The following APBB2 variants were observed in gnomAD, a reference collection of about 807,000 sequenced individuals.
The protein encoded by APBB2 is Fe65-like 1.
A neutral mutation model predicts 82.5 loss-of-function variants in APBB2; 38 were observed. That is an observed-to-expected ratio of 0.46 (90% confidence interval 0.36 to 0.60). The LOEUF (loss-of-function observed/expected upper bound fraction) is 0.60, where lower values mean the gene tolerates loss of function less well. APBB2 is among the 20% of genes least tolerant of loss of function. The pLI is 0.00. For synonymous variants in APBB2, 341 were observed against 368.2 expected (o/e 0.93, Z 0.85); for missense variants, 772 against 972.3 (o/e 0.79, Z 2.74).
chr4:40,859,705 T>C (rs1255157237), intron 12 of APBB2, among the ~76,000 whole-genome samples: 1 of 152,208 alleles, frequency 6.6e-6, no homozygotes, highest in Admixed American at 6.5e-5. Flanking sequence ...ATAAAGTCTA[T>C]AATCGCTTTC....
intron 2 of APBB2, among the ~76,000 whole-genome samples, chr4:41,126,935 T>C (rs1754577701): frequency 6.6e-6 from 1 of 152,180 alleles, no homozygotes; most frequent in Non-Finnish European, 1.5e-5. Flanking sequence ...AAAGACTTTG[T>C]CTCCAAATAC....
Position 41,013,848 on chromosome 4 carries a change from G to T in APBB2, c.570C>A (p.Ser190=), listed in dbSNP as rs745843763. 1.2e-6 allele frequency: 2 copies of T among 1,614,160 alleles called. No individual in the cohort carries two copies. The highest frequency in any genetic ancestry group is 1.7e-6 in the Non-Finnish European group (2 of 1,180,024). The change falls in exon 6 of 18, where the codon TCC becomes TCA. Residue 190 remains serine, a synonymous_variant. Coordinates refer to ENST00000508593, the MANE Select transcript of APBB2 (RefSeq NM_004307.2). ...GNHHGTAEEK[S]QPVQGQASTI... is the part of the protein sequence containing the mutation. ...TGGAGGCCTGGCCCTGGACTGGCTG[G>T]GATTTCTCTTCCGCAGTCCCATGGT...
At chr4:41,203,447 C>T (rs554323743) in intron 1 of APBB2, among the ~76,000 whole-genome samples, 1 of 152,210 alleles carries the variant, frequency 6.6e-6, no homozygotes, top group Admixed American at 6.5e-5. Context: ...TGAATAAGAA[C>T]AGTCAGTGTT....
At chr4:40,925,858 GATAA>G (rs1466324132) in intron 10 of APBB2, among the ~76,000 whole-genome samples, 4 of 152,190 alleles carry the variant, frequency 2.6e-5, no homozygotes, top group African/African-American at 7.2e-5. Flanking sequence ...GGAGGGCACA[GATAA>G]ATAAAGCTCA....
chr4:40,904,651 T>G (rs754348146), intron 10 of APBB2, among the ~76,000 whole-genome samples: 1 of 151,446 alleles, frequency 6.6e-6, no homozygotes, highest in Non-Finnish European at 1.5e-5. Flanking sequence ...TCATTATGTA[T>G]ATGGTTTTAA....
At chr4:41,081,780 T>A (rs1471024665) in intron 3 of APBB2, among the ~76,000 whole-genome samples, 2 of 152,204 alleles carry the variant, frequency 1.3e-5, no homozygotes, top group East Asian at 3.9e-4. Context: ...GAAATTTTTT[T>A]AACTAAACAA....
chr4:40,999,564 C>T (rs1262588369), intron 6 of APBB2, among the ~76,000 whole-genome samples: 16 of 152,190 alleles, frequency 1.1e-4, no homozygotes, highest in Admixed American at 9.8e-4. Context: ...TTCAGTTTCA[C>T]CACTCAAGTG....
chr4:41,093,150 GC>G (rs1338623370), intron 3 of APBB2, among the ~76,000 whole-genome samples: 1 of 152,126 alleles, frequency 6.6e-6, no homozygotes, highest in East Asian at 1.9e-4. Flanking sequence ...GTTTTTCAAA[GC>G]CCAGATGAAA....
At chr4:41,003,115 A>G (rs1011129105) in intron 6 of APBB2, among the ~76,000 whole-genome samples, 1 of 152,138 alleles carries the variant, frequency 6.6e-6, no homozygotes, top group African/African-American at 2.4e-5. Context: ...TCATGTTTTT[A>G]TCTTTTATTT....
Position 40,815,795 on chromosome 4 carries a change from A to C in APBB2, c.*297T>G, listed in dbSNP as rs1745436585. The C allele has an allele frequency of 3.3e-6, 1 of 300,754 alleles. No individual in the cohort carries two copies. Among genetic ancestry groups the C allele is most frequent in the Non-Finnish European group, 6.3e-6 (1 of 158,608 alleles). The allele number at this position is 300,754 out of a possible 1,614,324, so 18.6% of individuals were successfully genotyped here. ...TTAGTTCACTAGGAGGGGTGGGGCC[A>C]CACTCTTCTCTGTGTGTGTGTGAAG... is the stretch of plus-strand genomic sequence containing the variant. On this transcript the variant is annotated 3_prime_UTR_variant, in exon 18 of 18. Transcript: ENST00000508593.
chr4:41,152,621 C>A (rs927945555), intron 1 of APBB2, among the ~76,000 whole-genome samples: 3 of 152,198 alleles, frequency 2.0e-5, no homozygotes, highest in African/African-American at 7.2e-5. Flanking sequence ...AGCCACCGCG[C>A]CCGGCCTTCA....
intron 12 of APBB2, among the ~76,000 whole-genome samples, chr4:40,854,823 G>C (rs952047106): frequency 2.7e-5 from 4 of 146,612 alleles, no homozygotes; most frequent in Non-Finnish European, 6.0e-5. Context: ...GAAAGAAAAA[G>C]AAATTCATTT....
At chr4:40,863,465 T>C (rs1023268815) in intron 12 of APBB2, among the ~76,000 whole-genome samples, 39 of 152,216 alleles carry the variant, frequency 2.6e-4, no homozygotes, top group African/African-American at 9.4e-4. Flanking sequence ...TTCTAAAAAC[T>C]ACATCCCAGG....
intron 2 of APBB2, among the ~76,000 whole-genome samples, chr4:41,129,539 C>A (rs146445616): frequency 0.018 from 2,703 of 152,258 alleles, 32 homozygotes; most frequent in Middle Eastern, 0.037. Context: ...TGTATTAGAT[C>A]AACAGGCTTT....
chr4:40,820,373 T>C (rs1461616173), intron 17 of APBB2, among the ~76,000 whole-genome samples: 1 of 152,110 alleles, frequency 6.6e-6, no homozygotes, highest in Admixed American at 6.5e-5. Context: ...TCGTCTAAAA[T>C]CTAAATACAG....
chr4:40,882,020 G>T (rs897545020), intron 12 of APBB2, among the ~76,000 whole-genome samples: 1 of 152,166 alleles, frequency 6.6e-6, no homozygotes, highest in Non-Finnish European at 1.5e-5. Flanking sequence ...TCCATATGGT[G>T]GACAGACTGC....
At chr4:41,080,779 C>T (rs1983150) in intron 3 of APBB2, among the ~76,000 whole-genome samples, 150,267 of 150,872 alleles carry the variant, frequency 1, 74,832 homozygotes, top group Middle Eastern at 1. Flanking sequence ...CTCTCCTCAC[C>T]GCAACCTCCA....
intron 6 of APBB2, among the ~76,000 whole-genome samples, chr4:40,945,850 C>T (rs10022600): frequency 0.39 from 59,199 of 152,082 alleles, 12,357 homozygotes; most frequent in Non-Finnish European, 0.48. Flanking sequence ...CCTCGTGATC[C>T]GCCAACCTTG....
intron 6 of APBB2, among the ~76,000 whole-genome samples, chr4:40,985,208 C>T (rs137936134): frequency 0.012 from 1,857 of 152,200 alleles, 45 homozygotes; most frequent in African/African-American, 0.043. Context: ...GCCACTGTGT[C>T]CAGCCCCAGA....
Sources: gnomAD v4.1 joint callset for allele counts (sites outside exome capture counted in the v4.1 genomes callset) on GRCh38, gnomAD v4.1.1 for gene constraint, MANE v1.5 for transcripts, NCBI Gene and HGNC (gene_info 2026-07-23, HGNC 2026-07-21) for gene names.